The following PLCG2 variants were observed in gnomAD, a reference collection of about 807,000 sequenced individuals.
The protein encoded by PLCG2 is 1-phosphatidylinositol 4,5-bisphosphate phosphodiesterase gamma-2.
PLCG2 carries 69 observed loss-of-function variants against 175.6 expected under a neutral mutation model. The observed-to-expected ratio is 0.39, with a 90% CI of 0.32 to 0.48. The LOEUF is 0.48. PLCG2 is among the 20% of genes least tolerant of loss of function. The probability of loss-of-function intolerance (pLI) is 0.91; values close to 1 mark genes in which losing one functional copy is unlikely to be tolerated. For missense variants in PLCG2, 1,798 were observed against 1,650.9 expected, an observed-to-expected ratio of 1.09 and a Z score of -1.54; for synonymous variants, 827 against 624.0, an observed-to-expected ratio of 1.33 and a Z score of -4.85.
chr16:81,773,454 G>C (rs1644713162), intron 2 of PLCG2, among the ~76,000 whole-genome samples: 2 of 152,176 alleles, frequency 1.3e-5, no homozygotes, highest in Admixed American at 6.5e-5. Context: ...CTATTACATT[G>C]TTGGAGACAC....
intron 5 of PLCG2, among the ~76,000 whole-genome samples, chr16:81,859,882 A>G (rs1190735920): frequency 1.3e-5 from 2 of 152,154 alleles, no homozygotes; most frequent in Non-Finnish European, 2.9e-5. Flanking sequence ...GTGATGTGAT[A>G]ACGTATATTC....
At chr16:81,803,493 G>C (rs1163731777) in intron 2 of PLCG2, among the ~76,000 whole-genome samples, 1 of 150,256 alleles carries the variant, frequency 6.7e-6, no homozygotes, top group Non-Finnish European at 1.5e-5. Flanking sequence ...CTCTCTTTTT[G>C]GTTACTGTTT....
chr16:81,929,284 C>T (rs139538057), intron 24 of PLCG2, among the ~76,000 whole-genome samples: 89 of 152,338 alleles, frequency 5.8e-4, no homozygotes, highest in African/African-American at 2.1e-3. Context: ...TTCTGGGCAG[C>T]CCATGACCCT....
At chr16:81,933,882 C>T (rs897642206) in intron 25 of PLCG2, among the ~76,000 whole-genome samples, 6 of 152,188 alleles carry the variant, frequency 3.9e-5, no homozygotes, top group Non-Finnish European at 7.3e-5. Flanking sequence ...GATGGTGGGT[C>T]TTCTGAAGGG....
intron 2 of PLCG2, among the ~76,000 whole-genome samples, chr16:81,825,291 T>C (rs1404646610): frequency 6.9e-6 from 1 of 144,454 alleles, no homozygotes; most frequent in Non-Finnish European, 1.5e-5. Context: ...TAATTTTTTT[T>C]TTTTTTTTTT....
At chr16:81,816,938 A>C (rs1186546471) in intron 2 of PLCG2, among the ~76,000 whole-genome samples, 1 of 152,116 alleles carries the variant, frequency 6.6e-6, no homozygotes, top group Non-Finnish European at 1.5e-5. Context: ...GCTGGTCTAG[A>C]GTCTTCTCTG....
chr16:81,773,036 G>A (rs1239752004), intron 2 of PLCG2, among the ~76,000 whole-genome samples: 1 of 152,174 alleles, frequency 6.6e-6, no homozygotes, highest in African/African-American at 2.4e-5. Context: ...CTCATGATGT[G>A]GGGGAAGCTG....
chr16:81,916,324 G>C (rs1383405718), intron 19 of PLCG2, among the ~76,000 whole-genome samples: 2 of 150,570 alleles, frequency 1.3e-5, no homozygotes, highest in African/African-American at 2.4e-5. Flanking sequence ...TTTAAAAAAA[G>C]AAAAAAATAA....
chr16:81,811,552 G>T (rs7404636), intron 2 of PLCG2, among the ~76,000 whole-genome samples: 4 of 151,986 alleles, frequency 2.6e-5, no homozygotes, highest in Non-Finnish European at 5.9e-5. Context: ...CCAGTGTGTG[G>T]TGTTCCCCTC....
At chr16:81,848,006 C>G (rs1430311110) in intron 2 of PLCG2, among the ~76,000 whole-genome samples, 1 of 152,078 alleles carries the variant, frequency 6.6e-6, no homozygotes, top group African/African-American at 2.4e-5. Context: ...AAAGTGATTC[C>G]AAAGGTTATA....
rs555859202 is a variant in PLCG2, at chr16:81,890,782, C to T, written c.868-690C>T. Among the ~76,000 whole-genome samples, 46 of 152,184 alleles carry T rather than the reference C, an allele frequency of 3.0e-4. No homozygotes were observed. In the Middle Eastern group the frequency reaches 0.01, roughly 34 times the overall value. ...GGAATTGTAACTTGAAATTTCCTGC[C>T]CTTTCAACATTCTGATATGGATAAC... On this transcript the variant is annotated intron_variant, in intron 10 of 32. Coordinates refer to ENST00000564138, the MANE Select transcript of PLCG2 (RefSeq NM_002661.5).
rs1345789580 is a variant in PLCG2 at position 81,921,259 on chromosome 16, A to G, written c.2297A>G (p.Asn766Ser). 44 of 1,606,586 alleles carry G rather than the reference A, an allele frequency of 2.7e-5. No individual in the cohort carries two copies. The highest frequency in any genetic ancestry group is 5.4e-5 in the African/African-American group (4 of 74,756). Residue 766 changes from asparagine (N) to serine (S), a missense_variant, in exon 21 of 33, where the codon AAT (asparagine) becomes AGT (serine). Transcript: ENST00000564138. Reference sequence around the variant, plus strand: ...ATGTATGTGGATCCCAGTGAAATCAATCCGTCCATGGTACGGTGCCGAACC... The same window carrying G: ...ATGTATGTGGATCCCAGTGAAATCAGTCCGTCCATGGTACGGTGCCGAACC... The part of the protein sequence containing the change: ...SRMYVDPSEI[N>S]PSMPQRTVKA...
At chr16:81,888,630 T>G (rs1908487812) in intron 9 of PLCG2, among the ~76,000 whole-genome samples, 1 of 152,162 alleles carries the variant, frequency 6.6e-6, no homozygotes, top group South Asian at 2.1e-4. Context: ...TCCCACTTCA[T>G]GGATGGGGAG....
Position 81,960,421 on chromosome 16 carries a change from A to T in PLCG2, c.*2423A>T, listed in dbSNP as rs1911740353. On this transcript the variant is annotated 3_prime_UTR_variant, in exon 33 of 33. Coordinates refer to ENST00000564138, the MANE Select transcript of PLCG2 (RefSeq NM_002661.5). ...AGATCAAAACCACCACTGCATATGTATTACACTGTTTTTGTTCACCATTTT... is the reference window on the plus strand; with the variant it reads ...AGATCAAAACCACCACTGCATATGTTTTACACTGTTTTTGTTCACCATTTT... The T allele has an allele frequency of 4.4e-6, 1 of 226,170 alleles. No homozygotes were observed. Among genetic ancestry groups the T allele is most frequent in the African/African-American group, 2.2e-5 (1 of 44,952 alleles). The allele number at this position is 226,170 out of a possible 1,614,324, so 14.0% of individuals were successfully genotyped here. A position where few individuals can be genotyped will look rare whatever the true frequency, so the allele number is the denominator to read the frequency against.
At chr16:81,915,869 C>T (rs1909818735) in intron 19 of PLCG2, among the ~76,000 whole-genome samples, 1 of 152,142 alleles carries the variant, frequency 6.6e-6, no homozygotes, top group Non-Finnish European at 1.5e-5. Context: ...AGGATATTCT[C>T]TCTATAAAAA....
chr16:81,793,051 TAAGACCAGAAAG>T (rs1911309780), intron 2 of PLCG2, among the ~76,000 whole-genome samples: 3 of 152,174 alleles, frequency 2.0e-5, no homozygotes, highest in Non-Finnish European at 1.5e-5. Context: ...CTTAATACAA[TAAGACCAGAAAG>T]AAAAAAGGCC....
chr16:81,949,021 G>C (rs1200763817), intron 31 of PLCG2, among the ~76,000 whole-genome samples: 1 of 152,142 alleles, frequency 6.6e-6, no homozygotes, highest in African/African-American at 2.4e-5. Context: ...GAATAGACCT[G>C]ATTTGTTGCA....
intron 26 of PLCG2, chr16:81,935,444 C>A: frequency 1.3e-6 from 1 of 771,326 alleles, no homozygotes; most frequent in Non-Finnish European, 1.6e-6. Flanking sequence ...AAAAGACCTT[C>A]TACCACATTC....
intron 8 of PLCG2, among the ~76,000 whole-genome samples, 174 bp from the exon 9 acceptor site, chr16:81,883,095 G>A (rs1486788822): frequency 6.6e-6 from 1 of 152,160 alleles, no homozygotes; most frequent in African/African-American, 2.4e-5. Context: ...CCTTGTAGGT[G>A]AGGGACATTG....
Sources: allele counts gnomAD v4.1 joint callset (sites outside exome capture counted in the v4.1 genomes callset), GRCh38; gene constraint gnomAD v4.1.1; transcripts MANE v1.5; gene names NCBI Gene and HGNC (gene_info 2026-07-23, HGNC 2026-07-21).